Variants in RBM6 observed in about 807,000 individuals in gnomAD.
The protein encoded by RBM6 is RNA-binding protein 6.
In RBM6, 23 loss-of-function variants were observed where a neutral mutation model predicts 140.4. The ratio of observed to expected loss-of-function variants is 0.16; its 90% CI spans 0.12 to 0.23. The LOEUF is 0.23. Among genes scored for constraint, RBM6 ranks in the 10% least tolerant of loss-of-function variants. The pLI is 1.00. For synonymous variants in RBM6, 439 were observed against 475.6 expected, an observed-to-expected ratio of 0.92 and a Z score of 1.00; for missense variants, 1,139 against 1,386.7, an observed-to-expected ratio of 0.82 and a Z score of 2.84.
At chr3:50,000,346 C>CT (rs780436283) in intron 6 of RBM6, among the ~76,000 whole-genome samples, 149 of 110,140 alleles carry the variant, frequency 1.4e-3, no homozygotes, top group Middle Eastern at 5.0e-3. Flanking sequence ...TTTTTTTTTT[C>CT]TTTTTTTTTT....
At chr3:50,058,708 A>G in intron 10 of RBM6, 146 bp downstream of exon 10, 1 of 728,870 alleles carries the variant, frequency 1.4e-6, no homozygotes, top group African/African-American at 1.8e-5. Flanking sequence ...AGGTCAGGAA[A>G]TCAAGACCAT....
In RBM6 at chr3:50,045,126, T is replaced by C. The variant is rs549409394; in HGVS notation, c.1558-3119T>C. Among the ~76,000 whole-genome samples the C allele has an allele frequency of 2.0e-5, 3 of 152,324 alleles. No individual in the cohort carries two copies. The East Asian group carries it at 5.8e-4, about 29-fold the overall frequency. On this transcript the variant is annotated intron_variant, in intron 6 of 20. Coordinates refer to ENST00000266022, the MANE Select transcript of RBM6 (RefSeq NM_005777.3). ...AAGTTGACATGCTGATGGGGACTCCTGGCAAGGGGAGTTCCCTGCCCTCAA... is the reference window on the plus strand; with the variant it reads ...AAGTTGACATGCTGATGGGGACTCCCGGCAAGGGGAGTTCCCTGCCCTCAA...
chr3:50,029,395 G>A (rs2088017456), intron 6 of RBM6, among the ~76,000 whole-genome samples: 1 of 152,126 alleles, frequency 6.6e-6, no homozygotes, highest in Non-Finnish European at 1.5e-5. Context: ...TATCAGAGGG[G>A]AAGGTACAAG....
At chr3:50,054,134 A>G in intron 7 of RBM6, 2 of 516,036 alleles carry the variant, frequency 3.9e-6, no homozygotes, top group Non-Finnish European at 6.9e-6. Flanking sequence ...ATGCCTTGTT[A>G]TAAGGTAGCT....
intron 7 of RBM6, 150 bp downstream of exon 7, chr3:50,048,469 A>G (rs1450427525): frequency 4.9e-6 from 7 of 1,436,054 alleles, no homozygotes; most frequent in Non-Finnish European, 6.4e-6. Flanking sequence ...AGGTCAAGAC[A>G]AGGTCATTCA....
At chr3:50,042,720 C>T (rs2088995931) in intron 6 of RBM6, among the ~76,000 whole-genome samples, 1 of 152,022 alleles carries the variant, frequency 6.6e-6, no homozygotes, top group Non-Finnish European at 1.5e-5. Context: ...AGCCTCCAAC[C>T]TGGGCAACAG....
Position 50,050,843 on chromosome 3 carries a change from G to T in RBM6, c.1632+2524G>T, listed in dbSNP as rs113952893. ...TTTGAGGGTTTTTTTTCATGTGTTT[G>T]TTGGCCATTTGTATACCTCCTTTGG... On this transcript the variant is annotated intron_variant, in intron 7 of 20. Transcript: ENST00000266022. Among the ~76,000 whole-genome samples, 540 of 152,010 alleles carry T rather than the reference G, an allele frequency of 3.6e-3. 4 individuals carry two copies. The highest frequency in any genetic ancestry group is 0.012 in the African/African-American group (497 of 41,444).
At chr3:50,052,389 C>T (rs577334412) in intron 7 of RBM6, among the ~76,000 whole-genome samples, 1 of 152,200 alleles carries the variant, frequency 6.6e-6, no homozygotes. Flanking sequence ...TAAATTATAC[C>T]TACTAAGGTT....
chr3:50,059,923 TTTC>T (rs1365690505), intron 11 of RBM6, among the ~76,000 whole-genome samples, 177 bp downstream of exon 11: 3 of 152,218 alleles, frequency 2.0e-5, no homozygotes, highest in Non-Finnish European at 2.9e-5. Flanking sequence ...CTCGAATTGT[TTTC>T]TTTCTTGAAT....
chr3:50,020,888 T>G (rs1446146791), intron 6 of RBM6, among the ~76,000 whole-genome samples: 1 of 152,204 alleles, frequency 6.6e-6, no homozygotes, highest in Non-Finnish European at 1.5e-5. Context: ...CATTGTTGAC[T>G]GAGATGTCAT....
intron 1 of RBM6, among the ~76,000 whole-genome samples, chr3:49,950,495 C>G (rs760839117): frequency 2.0e-5 from 3 of 152,084 alleles, no homozygotes; most frequent in African/African-American, 4.8e-5. Context: ...GTGACTCAGG[C>G]TTGTAATCCC....
chr3:49,941,640 CAAAAAAAAAAAA>C (rs1171636981), intron 1 of RBM6, among the ~76,000 whole-genome samples: 20 of 58,728 alleles, frequency 3.4e-4, no homozygotes, highest in African/African-American at 1.2e-3. Context: ...AACTCTGTCT[CAAAAAAAAAAAA>C]AAAAAAAAAA....
At chr3:49,962,396 C>T (rs2084323531) in intron 1 of RBM6, among the ~76,000 whole-genome samples, 180 bp from the exon 2 acceptor site, 1 of 151,038 alleles carries the variant, frequency 6.6e-6, no homozygotes, top group South Asian at 2.1e-4. Flanking sequence ...CATGCCTTTG[C>T]ACTCCAGCCT....
chr3:50,041,007 GC>G (rs2088888243), intron 6 of RBM6, among the ~76,000 whole-genome samples: 1 of 152,106 alleles, frequency 6.6e-6, no homozygotes, highest in African/African-American at 2.4e-5. Context: ...GGGCTCTGGG[GC>G]TCAGTGAAAC....
At chr3:49,970,519 A>G (rs1195810905) in intron 3 of RBM6, among the ~76,000 whole-genome samples, 6 of 152,120 alleles carry the variant, frequency 3.9e-5, no homozygotes, top group Non-Finnish European at 7.4e-5. Flanking sequence ...TTTAGGGATC[A>G]TTTTCTTATT....
intron 1 of RBM6, among the ~76,000 whole-genome samples, chr3:49,953,823 C>T (rs1264123984): frequency 1.3e-5 from 2 of 151,952 alleles, no homozygotes; most frequent in Admixed American, 1.3e-4. Context: ...CCTAGCTGGA[C>T]CTGACTAATT....
intron 6 of RBM6, among the ~76,000 whole-genome samples, chr3:50,003,307 TTAA>T (rs1369871604): frequency 1.6e-4 from 8 of 50,748 alleles, no homozygotes; most frequent in African/African-American, 7.6e-4. Flanking sequence ...CTGTCTAAAT[TTAA>T]AAAAAAAAAA....
At chr3:50,076,567 G>C in intron 20 of RBM6, among the ~76,000 whole-genome samples, 1 of 151,088 alleles carries the variant, frequency 6.6e-6, no homozygotes, top group East Asian at 2.0e-4. Context: ...CAGCCTGGGT[G>C]ACAGAGCGAG....
chr3:49,986,370 G>A (rs560264121), intron 5 of RBM6, among the ~76,000 whole-genome samples: 6 of 151,608 alleles, frequency 4.0e-5, no homozygotes, highest in Admixed American at 2.6e-4. Flanking sequence ...CGAGGCAAGC[G>A]GATCATGAGG....
Sources: allele counts gnomAD v4.1 joint callset (sites outside exome capture counted in the v4.1 genomes callset), GRCh38; gene constraint gnomAD v4.1.1; transcripts MANE v1.5; gene names NCBI Gene and HGNC (gene_info 2026-07-23, HGNC 2026-07-21).